The following NRXN1 variants were observed in gnomAD, a reference collection of about 807,000 sequenced individuals.
The protein encoded by NRXN1 is neurexin-1.
A neutral mutation model predicts 150.9 loss-of-function variants in NRXN1; 39 were observed. The ratio of observed to expected loss-of-function variants is 0.26; its 90% CI spans 0.20 to 0.34. The LOEUF (loss-of-function observed/expected upper bound fraction) is 0.34, where lower values mean the gene tolerates loss of function less well. NRXN1 is among the 10% of genes least tolerant of loss of function. The probability of loss-of-function intolerance (pLI) is 1.00; values close to 1 mark genes in which losing one functional copy is unlikely to be tolerated. For missense variants in NRXN1, 1,815 were observed against 1,949.9 expected, an observed-to-expected ratio of 0.93 and a Z score of 1.30; for synonymous variants, 924 against 757.0, an observed-to-expected ratio of 1.22 and a Z score of -3.62.
At chr2:49,958,542 G>A (rs189492815) in intron 21 of NRXN1, among the ~76,000 whole-genome samples, 564 of 152,052 alleles carry the variant, frequency 3.7e-3, no homozygotes, top group Non-Finnish European at 5.3e-3. Context: ...TCTTCCCTTC[G>A]TTATCATTGC....
chr2:50,857,919 T>C (rs1377330344), intron 5 of NRXN1, among the ~76,000 whole-genome samples: 8 of 152,136 alleles, frequency 5.3e-5, no homozygotes, highest in Admixed American at 5.2e-4. Flanking sequence ...CCACCTGCTA[T>C]ACAATGATGC....
intron 17 of NRXN1, among the ~76,000 whole-genome samples, chr2:50,253,594 CTAGT>C (rs1308912926): frequency 2.0e-5 from 3 of 152,092 alleles, no homozygotes; most frequent in African/African-American, 7.2e-5. Flanking sequence ...ACATTAACAC[CTAGT>C]TTATTGAGAG....
At chr2:50,816,038 T>C (rs1668883127) in intron 5 of NRXN1, among the ~76,000 whole-genome samples, 1 of 152,192 alleles carries the variant, frequency 6.6e-6, no homozygotes, top group Non-Finnish European at 1.5e-5. Flanking sequence ...ATCTTAAGTA[T>C]AATTAGTGCA....
At chr2:50,829,454 G>A in intron 5 of NRXN1, 1 of 1,544,410 alleles carries the variant, frequency 6.5e-7, no homozygotes, top group Non-Finnish European at 8.9e-7. Context: ...CTTTGCTGAT[G>A]TAGCCTGACA....
At chr2:50,422,275 C>A (rs1179813734) in intron 17 of NRXN1, among the ~76,000 whole-genome samples, 1 of 152,082 alleles carries the variant, frequency 6.6e-6, no homozygotes, top group Non-Finnish European at 1.5e-5. Context: ...ACATAATTTC[C>A]TCTAAAACAC....
intron 5 of NRXN1, among the ~76,000 whole-genome samples, chr2:50,694,825 G>A (rs184563844): frequency 1.1e-3 from 167 of 152,182 alleles, no homozygotes; most frequent in South Asian, 2.3e-3. Context: ...CAAAATAAAG[G>A]CTTTATTCTA....
intron 17 of NRXN1, among the ~76,000 whole-genome samples, chr2:50,281,238 A>T (rs1170870730): frequency 6.6e-6 from 1 of 151,502 alleles, no homozygotes; most frequent in African/African-American, 2.4e-5. Context: ...AATGGCATGA[A>T]CCCGGGAGGC....
chr2:49,969,889 T>G (rs913010482), intron 21 of NRXN1: 2 of 152,166 alleles, frequency 1.3e-5, no homozygotes, highest in Non-Finnish European at 2.9e-5. Flanking sequence ...TATGTAATCA[T>G]GTTTTCCATC....
chr2:50,183,484 G>C (rs2060869251), intron 18 of NRXN1, among the ~76,000 whole-genome samples: 3 of 151,650 alleles, frequency 2.0e-5, no homozygotes. Context: ...TATCAAAAAA[G>C]TCATTTGATG....
intron 2 of NRXN1, among the ~76,000 whole-genome samples, chr2:51,025,614 T>C (rs1670322347): frequency 6.6e-6 from 1 of 152,196 alleles, no homozygotes; most frequent in Non-Finnish European, 1.5e-5. Context: ...GGCATTAGGA[T>C]ACTTAAGACA....
intron 17 of NRXN1, among the ~76,000 whole-genome samples, chr2:50,411,412 A>G (rs2083159597): frequency 6.6e-6 from 1 of 152,060 alleles, no homozygotes; most frequent in Non-Finnish European, 1.5e-5. Context: ...TTGGCCTCCC[A>G]AAGTGCCGAG....
At chr2:50,607,781 T>C (rs1343761118) in intron 8 of NRXN1, among the ~76,000 whole-genome samples, 1 of 151,708 alleles carries the variant, frequency 6.6e-6, no homozygotes, top group Non-Finnish European at 1.5e-5. Flanking sequence ...AGTTTTGAAT[T>C]GATATTAAAA....
intron 18 of NRXN1, among the ~76,000 whole-genome samples, chr2:50,162,245 A>C (rs1305529694): frequency 6.6e-6 from 1 of 152,124 alleles, no homozygotes; most frequent in African/African-American, 2.4e-5. Flanking sequence ...GTGTTAAGGA[A>C]AAAACATCAT....
At position 49,920,754 on chromosome 2, in the gene NRXN1, AATGT is replaced by A. The variant is rs1392323941; in HGVS notation, c.*1186_*1189del. 5.5e-5 allele frequency: 8 copies of A among 145,232 alleles called. No individual in the cohort carries two copies. Among genetic ancestry groups the A allele is most frequent in the African/African-American group, 1.8e-4 (7 of 38,532 alleles). The allele number at this position is 145,232 out of a possible 1,614,324, so 9.0% of individuals were successfully genotyped here. Reference sequence around the variant, plus strand: ...TGTGTGTGTGTGTGTGAAAATAGTGAATGTATGTGGGAATGTGAGTATTTCAGGG... The same window carrying A: ...TGTGTGTGTGTGTGTGAAAATAGTGAATGTGGGAATGTGAGTATTTCAGGG... On this transcript the variant is annotated 3_prime_UTR_variant, in exon 23 of 23. Transcript: ENST00000401669.
At chr2:50,533,839 T>C (rs1467575471) in intron 10 of NRXN1, among the ~76,000 whole-genome samples, 3 of 152,174 alleles carry the variant, frequency 2.0e-5, no homozygotes, top group Admixed American at 6.6e-5. Flanking sequence ...GCTGGTTCTT[T>C]CAGCATTTAG....
intron 18 of NRXN1, among the ~76,000 whole-genome samples, chr2:50,206,159 C>T (rs610969): frequency 0.39 from 58,696 of 151,534 alleles, 11,774 homozygotes; most frequent in Non-Finnish European, 0.43. Flanking sequence ...TTTTCAACTG[C>T]AAAAATTATA....
intron 5 of NRXN1, among the ~76,000 whole-genome samples, chr2:50,776,763 C>T (rs1311727734): frequency 6.6e-6 from 1 of 151,818 alleles, no homozygotes; most frequent in Non-Finnish European, 1.5e-5. Flanking sequence ...TATGGAGCTA[C>T]ACCCACAAAT....
intron 5 of NRXN1, among the ~76,000 whole-genome samples, chr2:50,722,496 C>T (rs879270801): frequency 7.9e-5 from 12 of 151,920 alleles, no homozygotes; most frequent in African/African-American, 1.9e-4. Flanking sequence ...TTTGGGGATA[C>T]GTTTCATATA....
chr2:49,924,636 ACTTT>A (rs1668776219), intron 22 of NRXN1, among the ~76,000 whole-genome samples: 1 of 152,236 alleles, frequency 6.6e-6, no homozygotes, highest in Non-Finnish European at 1.5e-5. Context: ...TAAGGAAAAC[ACTTT>A]CTTTTTTGCA....
Sources: gnomAD v4.1 joint callset for allele counts (sites outside exome capture counted in the v4.1 genomes callset) on GRCh38, gnomAD v4.1.1 for gene constraint, MANE v1.5 for transcripts, NCBI Gene and HGNC (gene_info 2026-07-23, HGNC 2026-07-21) for gene names.